The following WIF1 variants were observed in gnomAD, a reference collection of about 807,000 sequenced individuals.
The protein encoded by WIF1 is Wnt inhibitory factor 1.
In WIF1, 35 loss-of-function variants were observed where a neutral mutation model predicts 53.5. The observed-to-expected ratio is 0.65, with a 90% CI of 0.50 to 0.87. WIF1 has a LOEUF of 0.87. Ranked by LOEUF, WIF1 falls within the 40% of genes least tolerant of loss-of-function variation. The pLI is 0.00. For synonymous variants in WIF1, 171 were observed against 170.4 expected (o/e 1.00, Z -0.03); for missense variants, 467 against 476.8 (o/e 0.98, Z 0.19).
chr12:65,114,422 T>C (rs910608389), intron 2 of WIF1, among the ~76,000 whole-genome samples: 3 of 152,222 alleles, frequency 2.0e-5, no homozygotes, highest in Admixed American at 6.5e-5. Flanking sequence ...TTCCCTTTTT[T>C]CCAGTGGTAC....
At chr12:65,073,078 C>T (rs1414996458) in intron 3 of WIF1, among the ~76,000 whole-genome samples, 2 of 152,184 alleles carry the variant, frequency 1.3e-5, no homozygotes, top group Admixed American at 6.5e-5. Flanking sequence ...CAGATAGCCT[C>T]AGCCTCCAGT....
At chr12:65,072,976 A>G (rs1245964936) in intron 3 of WIF1, among the ~76,000 whole-genome samples, 1 of 152,226 alleles carries the variant, frequency 6.6e-6, no homozygotes, top group Admixed American at 6.5e-5. Flanking sequence ...CTGATATGCA[A>G]TTGATTGCAC....
chr12:65,051,282 T>G lies in WIF1; in HGVS notation c.*67A>C. ...AGTGTAATGAACATTATTTGAACATTCAACACATGAAAGGTTAACAAAGGC... is the reference window on the plus strand; with the variant it reads ...AGTGTAATGAACATTATTTGAACATGCAACACATGAAAGGTTAACAAAGGC... On this transcript the variant is annotated 3_prime_UTR_variant, in exon 10 of 10. Coordinates refer to ENST00000286574, the MANE Select transcript of WIF1 (RefSeq NM_007191.5). 1 of 1,539,320 alleles carries G rather than the reference T, an allele frequency of 6.5e-7. No homozygotes were observed. The highest frequency in any genetic ancestry group is 2.3e-5 in the East Asian group (1 of 43,000).
At chr12:65,116,584 A>G (rs1471100542) in intron 2 of WIF1, among the ~76,000 whole-genome samples, 1 of 151,968 alleles carries the variant, frequency 6.6e-6, no homozygotes, top group Non-Finnish European at 1.5e-5. Context: ...AATAAAGTGC[A>G]CTATCCATGT....
chr12:65,077,957 C>T, intron 2 of WIF1, 103 bp from the exon 3 acceptor site: 1 of 859,582 alleles, frequency 1.2e-6, no homozygotes, highest in Non-Finnish European at 1.9e-6. Context: ...ATTTTCATTA[C>T]AGGAACTCTG....
chr12:65,120,899 G>T, intron 1 of WIF1, 145 bp downstream of exon 1: 1 of 1,144,578 alleles, frequency 8.7e-7, no homozygotes, highest in Non-Finnish European at 1.2e-6. Context: ...TAAGCTTTCA[G>T]ATGGAAAATA....
Position 65,120,426 on chromosome 12 carries a change from A to T in WIF1, c.279T>A (p.Ala93=). 1 of 1,613,312 alleles carries T rather than the reference A, an allele frequency of 6.2e-7. No individual in the cohort carries two copies. The highest frequency in any genetic ancestry group is 1.1e-5 in the South Asian group (1 of 90,708). The change falls in exon 2 of 10, where the codon GCT becomes GCA. Residue 93 remains alanine (A), a synonymous_variant. Coordinates refer to ENST00000286574, the MANE Select transcript of WIF1 (RefSeq NM_007191.5). Reference sequence around the variant, plus strand: ...TTTTCTCAGAACTTACCTGCCCTGCAGCTTGCCAGGTAAAATTCATGGAAT... The same window carrying T: ...TTTTCTCAGAACTTACCTGCCCTGCTGCTTGCCAGGTAAAATTCATGGAAT... ...NIHSMNFTWQ[A]AGQAEYFYEF...
At chr12:65,076,489 T>A (rs1183570919) in intron 3 of WIF1, among the ~76,000 whole-genome samples, 2 of 152,194 alleles carry the variant, frequency 1.3e-5, no homozygotes, top group East Asian at 3.8e-4. Context: ...ATTTTGGCAA[T>A]TTGTTTTAAG....
intron 2 of WIF1, among the ~76,000 whole-genome samples, chr12:65,089,897 GA>G (rs1432740838): frequency 6.6e-6 from 1 of 151,936 alleles, no homozygotes; most frequent in African/African-American, 2.4e-5. Context: ...CTCCTCATTG[GA>G]AGGGATTTTT....
chr12:65,051,358 G>C lies in WIF1; in HGVS notation c.1131C>G (p.Tyr377Ter), dbSNP rs1156989098. The C allele has an allele frequency of 6.2e-7, 1 of 1,613,232 alleles. No homozygotes were observed. The highest frequency in any genetic ancestry group is 1.1e-5 in the South Asian group (1 of 90,914). ...TTTCAGATGTCGGAGTTCACCAGAT[G>C]TAATTGGATTCAGGTGGATCCCGCC... is the stretch of plus-strand genomic sequence containing the variant. ...EERRDPPESN[Y>*]IW is the part of the protein sequence containing the mutation. Residue 377 changes from tyrosine to a stop codon, truncating the protein, a stop_gained, in exon 10 of 10, where the codon TAC (tyrosine) becomes TAG (stop). Transcript: ENST00000286574. LOFTEE classifies it high-confidence loss of function.
intron 3 of WIF1, among the ~76,000 whole-genome samples, chr12:65,077,382 A>G (rs933645576): frequency 6.6e-6 from 1 of 152,116 alleles, no homozygotes; most frequent in African/African-American, 2.4e-5. Flanking sequence ...TTTGCCCCCA[A>G]TCACTTACTT....
intron 3 of WIF1, among the ~76,000 whole-genome samples, chr12:65,074,632 A>T (rs1332984209): frequency 6.6e-6 from 1 of 151,916 alleles, no homozygotes; most frequent in South Asian, 2.1e-4. Flanking sequence ...TGCCTGGCCA[A>T]CATGGTGAAA....
intron 7 of WIF1, among the ~76,000 whole-genome samples, chr12:65,060,738 T>A (rs962177667): frequency 6.6e-6 from 1 of 152,248 alleles, no homozygotes; most frequent in African/African-American, 2.4e-5. Context: ...CAACTATACT[T>A]TTTTGTTTCT....
intron 2 of WIF1, among the ~76,000 whole-genome samples, chr12:65,093,440 A>G (rs1883154666): frequency 6.6e-6 from 1 of 152,056 alleles, no homozygotes; most frequent in African/African-American, 2.4e-5. Flanking sequence ...GCCCTCCTTC[A>G]TTACTTTTTA....
Position 65,068,759 on chromosome 12 carries a change from C to T in WIF1, c.538+5G>A, listed in dbSNP as rs750851031. ...GTCTTCTCTTGAATCACCATCGGTG[C>T]TTACCTTGTTGACATGTTTTAAAGA... On this transcript the variant is annotated splice_donor_5th_base_variant and intron_variant, in intron 4 of 9. Transcript: ENST00000286574. 1 of 1,612,688 alleles carries T rather than the reference C, an allele frequency of 6.2e-7. No individual in the cohort carries two copies. The highest frequency in any genetic ancestry group is 1.7e-5 in the Admixed American group (1 of 59,874).
intron 2 of WIF1, among the ~76,000 whole-genome samples, chr12:65,081,095 C>T (rs1882941793): frequency 6.6e-6 from 1 of 150,668 alleles, no homozygotes; most frequent in South Asian, 2.1e-4. Context: ...GAATTTATAT[C>T]TTTTCATGAA....
intron 8 of WIF1, among the ~76,000 whole-genome samples, chr12:65,055,770 G>T (rs750199156): frequency 5.9e-5 from 9 of 152,188 alleles, no homozygotes; most frequent in African/African-American, 2.2e-4. Flanking sequence ...GAGAGACTCC[G>T]TCTCAAAAAA....
chr12:65,099,361 C>T (rs1883247708), intron 2 of WIF1, among the ~76,000 whole-genome samples: 1 of 152,190 alleles, frequency 6.6e-6, no homozygotes, highest in Non-Finnish European at 1.5e-5. Flanking sequence ...CTATTTGCCG[C>T]ATGTTCACTG....
intron 2 of WIF1, among the ~76,000 whole-genome samples, chr12:65,113,787 G>A (rs971924008): frequency 5.9e-5 from 9 of 152,078 alleles, no homozygotes; most frequent in African/African-American, 1.9e-4. Flanking sequence ...GAATCTAAAC[G>A]TTAAAGGTTG....
Sources: allele counts gnomAD v4.1 joint callset (sites outside exome capture counted in the v4.1 genomes callset), GRCh38; gene constraint gnomAD v4.1.1; transcripts MANE v1.5; gene names NCBI Gene and HGNC (gene_info 2026-07-23, HGNC 2026-07-21).